CAMK2G: variants seen among roughly 807,000 people sequenced by gnomAD.
The protein encoded by CAMK2G is calcium/calmodulin-dependent protein kinase type II subunit gamma.
Under a neutral mutation model 88.7 loss-of-function variants are expected in CAMK2G, and 23 were observed. That is an observed-to-expected ratio of 0.26 (90% CI 0.19 to 0.37). The LOEUF is 0.37. Among genes scored for constraint, CAMK2G ranks in the 10% least tolerant of loss-of-function variants. The probability of loss-of-function intolerance (pLI) is 1.00; values close to 1 mark genes in which losing one functional copy is unlikely to be tolerated. For synonymous variants in CAMK2G, 263 were observed against 294.8 expected (o/e 0.89, Z 1.11); for missense variants, 476 against 780.8 (o/e 0.61, Z 4.65).
chr10:73,859,758 G>C (rs575008548), intron 3 of CAMK2G, among the ~76,000 whole-genome samples: 41 of 152,344 alleles, frequency 2.7e-4, no homozygotes, highest in Admixed American at 8.5e-4. Context: ...GACTACCTCA[G>C]AGCTGCTCCT....
intron 12 of CAMK2G, among the ~76,000 whole-genome samples, chr10:73,840,204 C>A (rs1236286100): frequency 6.6e-6 from 1 of 152,114 alleles, no homozygotes; most frequent in East Asian, 1.9e-4. Flanking sequence ...AGAGAGGCAG[C>A]ATTCTCAGTC....
chr10:73,817,637 CCT>C, intron 19 of CAMK2G, 83 bp from the exon 20 acceptor site: 3 of 876,054 alleles, frequency 3.4e-6, no homozygotes, highest in Non-Finnish European at 5.9e-6. Flanking sequence ...TCAGGAGTCC[CCT>C]GTGATCGCTT....
chr10:73,822,376 C>T (rs1416027549), intron 17 of CAMK2G, among the ~76,000 whole-genome samples: 3 of 152,170 alleles, frequency 2.0e-5, no homozygotes, highest in East Asian at 3.9e-4. Flanking sequence ...TCATGTTGGC[C>T]AGGCTGGTCT....
intron 9 of CAMK2G, 97 bp from the exon 10 acceptor site, chr10:73,847,444 C>G: frequency 7.6e-7 from 1 of 1,317,822 alleles, no homozygotes; most frequent in Admixed American, 1.8e-5. Context: ...AATTGGGATA[C>G]TCTGTGGTAC....
intron 16 of CAMK2G, 151 bp from the exon 17 acceptor site, chr10:73,824,235 G>A (rs770060649): frequency 1.4e-5 from 9 of 631,828 alleles, no homozygotes; most frequent in South Asian, 1.1e-4. Flanking sequence ...AAAATATCCC[G>A]GCTCAACTGG....
At chr10:73,836,230 A>G (rs1438164735) in intron 14 of CAMK2G, among the ~76,000 whole-genome samples, 2 of 152,176 alleles carry the variant, frequency 1.3e-5, no homozygotes, top group African/African-American at 4.8e-5. Flanking sequence ...GCTCTCTCCT[A>G]TGAGCTTCCT....
Position 73,817,021 on chromosome 10 carries a change from AC to A in CAMK2G, c.1534+1del. On this transcript the variant is annotated splice_donor_variant, in intron 21 of 22. Coordinates refer to ENST00000423381, the MANE Select transcript of CAMK2G (RefSeq NM_001367534.1). LOFTEE classifies it high-confidence loss of function. ...GTATATCAGCAGCACGAACCCACTC[AC>A]GATTCTCAAAGTAAAACTTATGGAA... 6.2e-7 allele frequency: 1 copy of A among 1,614,160 alleles called. No individual in the cohort carries two copies. The highest frequency in any genetic ancestry group is 8.5e-7 in the Non-Finnish European group (1 of 1,180,022).
chr10:73,817,055 C>T lies in CAMK2G; in HGVS notation c.1502G>A (p.Gly501Glu). 2 of 1,614,070 alleles carry T rather than the reference C, an allele frequency of 1.2e-6. No individual in the cohort carries two copies. The highest frequency in any genetic ancestry group is 1.7e-6 in the Non-Finnish European group (2 of 1,179,980). The change falls in exon 21 of 23, where the codon GGG (glycine) becomes GAG (glutamate). Residue 501 changes from glycine (G) to glutamate (E), a missense_variant. By Grantham distance (98) the Gly-to-Glu change is moderately conservative. Coordinates refer to ENST00000423381, the MANE Select transcript of CAMK2G (RefSeq NM_001367534.1). ...AAAGTAAAACTTATGGAAATCCATCCCCTCCACGAGGTTACCAAGGGCCTC... is the reference window on the plus strand; with the variant it reads ...AAAGTAAAACTTATGGAAATCCATCTCCTCCACGAGGTTACCAAGGGCCTC... The part of the protein sequence containing the change: ...EPEALGNLVE[G>E]MDFHKFYFEN...
At chr10:73,850,427 C>G (rs1234207898) in intron 5 of CAMK2G, among the ~76,000 whole-genome samples, 1 of 152,222 alleles carries the variant, frequency 6.6e-6, no homozygotes, top group Non-Finnish European at 1.5e-5. Context: ...CGCCCGCCCC[C>G]CCCCACCGCA....
chr10:73,819,430 C>T, intron 19 of CAMK2G, 102 bp downstream of exon 19: 1 of 811,056 alleles, frequency 1.2e-6, no homozygotes, highest in Non-Finnish European at 2.1e-6. Flanking sequence ...AGCTTACTAC[C>T]ACGGGCAGGT....
In CAMK2G at chr10:73,847,058, C is replaced by T. The variant is rs548611797; in HGVS notation, c.819+167G>A. The T allele has an allele frequency of 1.5e-4, 96 of 637,714 alleles. 1 individual carries two copies. The East Asian group carries it at 2.6e-3, about 17-fold the overall frequency. The allele number at this position is 637,714 out of a possible 1,614,324, so 39.5% of individuals were successfully genotyped here. Reference sequence around the variant, plus strand: ...CAGCCCCATCAGCCTCCCGAGTCTCCCTGGTGACATTTATTGACCCTGGCC... The same window carrying T: ...CAGCCCCATCAGCCTCCCGAGTCTCTCTGGTGACATTTATTGACCCTGGCC... On this transcript the variant is annotated intron_variant, in intron 10 of 22. Coordinates refer to ENST00000423381, the MANE Select transcript of CAMK2G (RefSeq NM_001367534.1).
chr10:73,818,588 G>A (rs2086581744), intron 19 of CAMK2G: 2 of 423,872 alleles, frequency 4.7e-6, no homozygotes, highest in Non-Finnish European at 4.8e-6. Flanking sequence ...CAGCCAAGCA[G>A]CACAGTTGGG....
At chr10:73,873,606 C>T in intron 1 of CAMK2G, 2 of 838,900 alleles carry the variant, frequency 2.4e-6, no homozygotes, top group Non-Finnish European at 2.9e-6. Context: ...TGCATCCCGG[C>T]TCAACTGACA....
chr10:73,830,425 CCAT>C (rs1197800458), intron 14 of CAMK2G, among the ~76,000 whole-genome samples: 2 of 152,300 alleles, frequency 1.3e-5, no homozygotes, highest in East Asian at 1.9e-4. Context: ...GTGCACACCA[CCAT>C]GCCTGGCTAA....
chr10:73,825,529 C>T (rs1304279862), intron 15 of CAMK2G, among the ~76,000 whole-genome samples, 182 bp from the exon 16 acceptor site: 1 of 152,034 alleles, frequency 6.6e-6, no homozygotes, highest in Non-Finnish European at 1.5e-5. Context: ...TTTGTGGGGC[C>T]CAGAGACCTA....
Position 73,814,217 on chromosome 10 carries a change from C to A in CAMK2G, c.*301G>T, listed in dbSNP as rs1318900311. 5.3e-5 allele frequency: 8 copies of A among 151,984 alleles called. No individual in the cohort carries two copies. The highest frequency in any genetic ancestry group is 5.2e-4 in the Admixed American group (8 of 15,268). The allele number at this position is 151,984 out of a possible 1,614,324, so 9.4% of individuals were successfully genotyped here. On this transcript the variant is annotated 3_prime_UTR_variant, in exon 23 of 23. Transcript: ENST00000423381. ...TACATACTCCTGCCTTCTTGCCAAC[C>A]CAAGGGCTGTCGGTGGTTTTAAAAC... is the stretch of plus-strand genomic sequence containing the variant.
intron 2 of CAMK2G, among the ~76,000 whole-genome samples, chr10:73,864,455 C>G (rs1329865655): frequency 6.6e-6 from 1 of 152,146 alleles, no homozygotes; most frequent in African/African-American, 2.4e-5. Flanking sequence ...TAAGAAAACT[C>G]AACAGCACGT....
At chr10:73,859,171 A>T (rs192133249) in intron 3 of CAMK2G, among the ~76,000 whole-genome samples, 28 of 152,274 alleles carry the variant, frequency 1.8e-4, no homozygotes, top group Admixed American at 1.2e-3. Flanking sequence ...CCTGTTCTGG[A>T]ACTTCTAGGT....
At chr10:73,847,464 T>C in intron 9 of CAMK2G, 117 bp from the exon 10 acceptor site, 2 of 1,123,326 alleles carry the variant, frequency 1.8e-6, no homozygotes, top group East Asian at 2.4e-5. Context: ...CCTAAAGCTG[T>C]GACTGGCAGA....
Sources: allele counts gnomAD v4.1 joint callset (sites outside exome capture counted in the v4.1 genomes callset), GRCh38; gene constraint gnomAD v4.1.1; transcripts MANE v1.5; gene names NCBI Gene and HGNC (gene_info 2026-07-23, HGNC 2026-07-21).